COL14A1: variants seen among roughly 807,000 people sequenced by gnomAD.
COL14A1 encodes collagen alpha-1(XIV) chain.
Under a neutral mutation model 230.3 loss-of-function variants are expected in COL14A1, and 136 were observed. The observed-to-expected ratio is 0.59, with a 90% CI of 0.51 to 0.68. The LOEUF is 0.68. Ranked by LOEUF, COL14A1 falls within the 30% of genes least tolerant of loss-of-function variation. The pLI, the probability that COL14A1 is intolerant of heterozygous loss-of-function variation, is 0.00. For synonymous variants in COL14A1, 792 were observed against 784.1 expected (o/e 1.01, Z -0.17); for missense variants, 1,976 against 2,215.8 (o/e 0.89, Z 2.17).
In COL14A1 at chr8:120,212,449, T is replaced by C. The variant is rs1817639419; in HGVS notation, c.1469T>C (p.Met490Thr). Reference protein sequence around the residue: ...TEGLAGDEKEMKIGETHTDIE... With the variant: ...TEGLAGDEKETKIGETHTDIE... ...TCTAACAACATGTGTTCTTTTCAGA[T>C]GAAAATTGGAGAGACCCACACAGAT... The change falls in exon 13 of 48, where the codon ATG becomes ACG. Residue 490 changes from methionine (M) to threonine (T), a missense_variant and splice_region_variant. Around this residue, in one of 3 missense-constraint regions of COL14A1, gnomAD observed 1,791 missense variants for 2,019.5 expected, o/e 0.89. Transcript: ENST00000297848. 6.2e-7 allele frequency: 1 copy of C among 1,612,952 alleles called. No individual in the cohort carries two copies. Among genetic ancestry groups the C allele is most frequent in the Non-Finnish European group, 8.5e-7 (1 of 1,179,244 alleles).
chr8:120,289,499 T>G, intron 33 of COL14A1, 109 bp from the exon 34 acceptor site: 2 of 1,018,970 alleles, frequency 2.0e-6, no homozygotes, highest in Non-Finnish European at 2.8e-6. Flanking sequence ...GGTGACAGAA[T>G]TCTTTCTCTT....
At chr8:120,264,339 T>C (rs543044793) in intron 24 of COL14A1, among the ~76,000 whole-genome samples, 76 of 152,332 alleles carry the variant, frequency 5.0e-4, no homozygotes, top group Non-Finnish European at 9.3e-4. Flanking sequence ...GGATTGTAAA[T>C]CATATAGTTT....
At chr8:120,207,239 C>T in intron 10 of COL14A1, 145 bp downstream of exon 10, 2 of 739,440 alleles carry the variant, frequency 2.7e-6, no homozygotes, top group Non-Finnish European at 4.1e-6. Context: ...TCCACTTGTT[C>T]ATATTGTTCT....
intron 9 of COL14A1, among the ~76,000 whole-genome samples, chr8:120,206,637 C>T (rs1817442222): frequency 6.6e-6 from 1 of 152,248 alleles, no homozygotes; most frequent in South Asian, 2.1e-4. Flanking sequence ...GCATGAACCA[C>T]TGTGCCTGGC....
chr8:120,327,074 A>C (rs2130182985), intron 40 of COL14A1, among the ~76,000 whole-genome samples: 1 of 152,270 alleles, frequency 6.6e-6, no homozygotes, highest in East Asian at 1.9e-4. Context: ...TTCTTGAACA[A>C]ATTTGTTATT....
At chr8:120,290,604 G>A (rs1820345515) in intron 34 of COL14A1, among the ~76,000 whole-genome samples, 1 of 152,128 alleles carries the variant, frequency 6.6e-6, no homozygotes, top group African/African-American at 2.4e-5. Flanking sequence ...TAGATCTGTA[G>A]AATTAGCCAG....
chr8:120,167,714 G>A (rs953415978), intron 4 of COL14A1, among the ~76,000 whole-genome samples: 2 of 152,118 alleles, frequency 1.3e-5, no homozygotes, highest in African/African-American at 2.4e-5. Flanking sequence ...TCCAAATGAG[G>A]CTATTCATGG....
In COL14A1 at chr8:120,334,556, A is replaced by G. The variant is rs916633205; in HGVS notation, c.4785+1821A>G. Among the ~76,000 whole-genome samples the G allele has an allele frequency of 4.5e-4, 67 of 147,594 alleles. 1 individual carries two copies. Among genetic ancestry groups the G allele is most frequent in the African/African-American group, 1.5e-3 (58 of 39,928 alleles). Reference sequence around the variant, plus strand: ...TACTGAAACCCACATGTGTGAACACATGAAAAAATGCATGCGTTCACACAC... The same window carrying G: ...TACTGAAACCCACATGTGTGAACACGTGAAAAAATGCATGCGTTCACACAC... On this transcript the variant is annotated intron_variant, in intron 42 of 47. Coordinates refer to ENST00000297848, the MANE Select transcript of COL14A1 (RefSeq NM_021110.4).
chr8:120,159,633 A>T (rs1815592262), intron 3 of COL14A1, among the ~76,000 whole-genome samples: 1 of 152,152 alleles, frequency 6.6e-6, no homozygotes, highest in African/African-American at 2.4e-5. Flanking sequence ...AGACAAGCAG[A>T]TGAAACACCT....
intron 1 of COL14A1, among the ~76,000 whole-genome samples, chr8:120,131,838 CTTTTTTTTTTTT>C (rs1172286717): frequency 1.6e-4 from 11 of 68,984 alleles, no homozygotes; most frequent in Admixed American, 1.4e-3. Flanking sequence ...TTCTTCCTTT[CTTTTTTTTTTTT>C]TTTTTTTTTT....
intron 23 of COL14A1, among the ~76,000 whole-genome samples, chr8:120,259,088 A>C (rs1166627833): frequency 6.6e-6 from 1 of 152,200 alleles, no homozygotes; most frequent in African/African-American, 2.4e-5. Context: ...GAACTGCAGC[A>C]TAGTGGAGAG....
At chr8:120,157,461 C>T (rs999176639) in intron 2 of COL14A1, among the ~76,000 whole-genome samples, 4 of 152,118 alleles carry the variant, frequency 2.6e-5, no homozygotes, top group African/African-American at 9.7e-5. Flanking sequence ...TATAGAAGCT[C>T]ACATGTTTCA....
chr8:120,179,304 C>G (rs549800105), intron 5 of COL14A1, among the ~76,000 whole-genome samples: 2 of 152,224 alleles, frequency 1.3e-5, no homozygotes, highest in Admixed American at 6.5e-5. Context: ...TATCTCAGCC[C>G]AAAATCTCCT....
intron 17 of COL14A1, among the ~76,000 whole-genome samples, chr8:120,228,195 C>T (rs542415433): frequency 6.6e-6 from 1 of 152,246 alleles, no homozygotes; most frequent in Non-Finnish European, 1.5e-5. Flanking sequence ...GGCAGTGTTC[C>T]AGCACCAAGT....
At chr8:120,265,435 GGA>G (rs1181501687) in intron 24 of COL14A1, among the ~76,000 whole-genome samples, 2 of 151,928 alleles carry the variant, frequency 1.3e-5, no homozygotes, top group African/African-American at 4.8e-5. Flanking sequence ...TTTTAAATTT[GGA>G]GAGTTTTTAG....
At chr8:120,250,546 A>T in intron 21 of COL14A1, 71 bp from the exon 22 acceptor site, 1 of 1,522,420 alleles carries the variant, frequency 6.6e-7, no homozygotes, top group Admixed American at 1.7e-5. Flanking sequence ...AAGTGAATAC[A>T]ATTTGATCTA....
At chr8:120,141,211 T>C (rs903971520) in intron 1 of COL14A1, among the ~76,000 whole-genome samples, 6 of 152,186 alleles carry the variant, frequency 3.9e-5, no homozygotes, top group African/African-American at 1.2e-4. Flanking sequence ...TCTCCCAATG[T>C]GGTATTGCTC....
chr8:120,179,439 A>G lies in COL14A1; in HGVS notation c.436+11192A>G, dbSNP rs1288932983. Among the ~76,000 whole-genome samples the G allele has an allele frequency of 2.0e-5, 3 of 152,208 alleles. 1 individual carries two copies. The highest frequency in any genetic ancestry group is 2.9e-5 in the Non-Finnish European group (2 of 68,040). ...AATCATGAGTGAATTCCCATTCACA[A>G]TTGCTACAAAGAGAATAAAATACTT... On this transcript the variant is annotated intron_variant, in intron 5 of 47. Transcript: ENST00000297848.
chr8:120,357,063 G>A (rs1224280688), intron 45 of COL14A1, among the ~76,000 whole-genome samples: 2 of 152,164 alleles, frequency 1.3e-5, no homozygotes, highest in Non-Finnish European at 2.9e-5. Flanking sequence ...TTATGTATTA[G>A]TGAGCTATTG....
Sources: gnomAD v4.1 joint callset for allele counts (sites outside exome capture counted in the v4.1 genomes callset) on GRCh38, gnomAD v4.1.1 for gene constraint, gnomAD v4.1.1 regional missense constraint, MANE v1.5 for transcripts, NCBI Gene and HGNC (gene_info 2026-07-23, HGNC 2026-07-21) for gene names.